OR1S2: variants seen among roughly 807,000 people sequenced by gnomAD.
The protein encoded by OR1S2 is olfactory receptor family 1 subfamily S member 2.
In OR1S2, 1 loss-of-function variant was observed where a neutral mutation model predicts 1.7. That is an observed-to-expected ratio of 0.59 (90% CI 0.21 to 2.81). The LOEUF (loss-of-function observed/expected upper bound fraction) is 2.81. OR1S2 is among the 30% of genes most tolerant of loss of function. The probability of loss-of-function intolerance (pLI) is 0.22; values close to 1 mark genes in which losing one functional copy is unlikely to be tolerated. For missense variants in OR1S2, 391 were observed against 371.6 expected, an observed-to-expected ratio of 1.05 and a Z score of -0.43; for synonymous variants, 157 against 145.3, an observed-to-expected ratio of 1.08 and a Z score of -0.58.
chr11:58,203,900 C>G (rs368896774), exon 1 of OR1S2: 2 of 1,613,954 alleles, frequency 1.2e-6, no homozygotes, highest in Non-Finnish European at 1.7e-6. Context: ...TATTCACCAG[C>G]ATTTTGGGGA....
exon 1 of OR1S2, chr11:58,203,227 T>C: frequency 1.2e-6 from 2 of 1,610,352 alleles, no homozygotes; most frequent in Non-Finnish European, 1.7e-6. Flanking sequence ...ATTTTTCTAT[T>C]GATGAGCTTT....
chr11:58,203,230 T>C, exon 1 of OR1S2: 7 of 1,610,642 alleles, frequency 4.3e-6, no homozygotes, highest in Non-Finnish European at 5.9e-6. Flanking sequence ...TTTCTATTGA[T>C]GAGCTTTCTC....
chr11:58,203,444 T>A, exon 1 of OR1S2: 1 of 1,613,992 alleles, frequency 6.2e-7, no homozygotes, highest in South Asian at 1.1e-5. Context: ...CTTTCCACTT[T>A]CCCTGTGTGG....
At chr11:58,203,498 G>C in exon 1 of OR1S2, 2 of 1,614,086 alleles carry the variant, frequency 1.2e-6, no homozygotes, top group East Asian at 4.5e-5. Context: ...CATAGGAGAA[G>C]AAGATGAGTA....
At chr11:58,203,253 A>G in exon 1 of OR1S2, 1 of 1,613,948 alleles carries the variant, frequency 6.2e-7, no homozygotes, top group Non-Finnish European at 8.5e-7. Flanking sequence ...GGCACCTTTC[A>G]TATCCTTATT....
exon 1 of OR1S2, chr11:58,203,371 C>A (rs758304516): frequency 1.9e-6 from 3 of 1,613,888 alleles, no homozygotes; most frequent in Admixed American, 1.7e-5. Context: ...AAAAAGTACA[C>A]GCCTACAGTG....
exon 1 of OR1S2, chr11:58,204,057 A>G (rs1377891544): frequency 6.2e-7 from 1 of 1,614,056 alleles, no homozygotes; most frequent in East Asian, 2.2e-5. Context: ...CAGGAAAAGC[A>G]CAAAGAGGAG....
At chr11:58,203,508 A>G (rs11229277) in exon 1 of OR1S2, 156,841 of 1,558,942 alleles carry the variant, frequency 0.1, 8,280 homozygotes, top group South Asian at 0.14. Context: ...GAAGATGAGT[A>G]CAAAGGGGAA....
chr11:58,203,781 T>C, exon 1 of OR1S2: 7 of 1,614,006 alleles, frequency 4.3e-6, no homozygotes, highest in South Asian at 1.1e-5. Flanking sequence ...CACAAAGTGG[T>C]CGAAGGCCAT....
exon 1 of OR1S2, chr11:58,203,479 T>A: frequency 6.2e-7 from 1 of 1,614,030 alleles, no homozygotes; most frequent in Non-Finnish European, 8.5e-7. Flanking sequence ...ACAGCTCTGA[T>A]GATGCAGACA....
Position 58,203,506 on chromosome 11 carries a change from G to A in OR1S2, c.637C>T (p.Leu213Phe), listed in dbSNP as rs755734906. Reference sequence around the variant, plus strand: ...ATGCAGACATAGGAGAAGAAGATGAGTACAAAGGGGAAGATGATAACTGAT... The same window carrying A: ...ATGCAGACATAGGAGAAGAAGATGAATACAAAGGGGAAGATGATAACTGAT... Residue 213 changes from leucine (L) to phenylalanine (F), a missense_variant, in exon 1 of 1, where the codon CTC (leucine) becomes TTC (phenylalanine). Physicochemically the swap from Leu to Phe is conservative, Grantham distance 22. Transcript: ENST00000641683. 31 of 1,614,056 alleles carry A rather than the reference G, an allele frequency of 1.9e-5. No homozygotes were observed. Among genetic ancestry groups the A allele is most frequent in the Non-Finnish European group, 2.5e-5 (29 of 1,179,988 alleles).
exon 1 of OR1S2, chr11:58,203,391 A>T (rs1458949752): frequency 2.5e-6 from 4 of 1,613,946 alleles, no homozygotes; most frequent in Non-Finnish European, 3.4e-6. Flanking sequence ...GGTTCCGTAG[A>T]ACAGTAATGC....
rs1230204773 is a variant in OR1S2 at position 58,203,845 on chromosome 11, G to A, written c.298C>T (p.Gln100Ter). 2 of 1,614,142 alleles carry A rather than the reference G, an allele frequency of 1.2e-6. No individual in the cohort carries two copies. The highest frequency in any genetic ancestry group is 1.7e-6 in the Non-Finnish European group (2 of 1,179,988). The change falls in exon 1 of 1, where the codon CAG becomes TAG. Residue 100 changes from glutamine to a stop codon, truncating the protein, a stop_gained. Transcript: ENST00000641683. LOFTEE classifies it low-confidence loss of function (END_TRUNC). ...ACAAACACAATAGAAAAGTACATCTGTGTGATGCAGCTCTCATAAGAGATG... is the reference window on the plus strand; with the variant it reads ...ACAAACACAATAGAAAAGTACATCTATGTGATGCAGCTCTCATAAGAGATG...
chr11:58,204,035 C>T lies in OR1S2; in HGVS notation c.108G>A (p.Val36=), dbSNP rs747625209. ...TGAGCCCGTTCCCAACCACAGTGAC[C>T]ACATACATACTCAGGAAAAGCACAA... The change falls in exon 1 of 1, where the codon GTG becomes GTA. Residue 36 remains valine (V), a synonymous_variant. Transcript: ENST00000641683. 1.4e-5 allele frequency: 23 copies of T among 1,613,960 alleles called. No homozygotes were observed. In the South Asian group the frequency reaches 2.5e-4, roughly 18 times the overall value.
rs376758094 is a variant in OR1S2, at chr11:58,203,690, G to A, written c.453C>T (p.Leu151=). The stretch of plus-strand genomic sequence containing the variant: ...TGTGTGTAAGAGCAATAATATTACT[G>A]AGGAACCACGAGATGACTGTGAGCA... Residue 151 remains leucine, a synonymous_variant, in exon 1 of 1, where the codon CTC becomes CTT. Coordinates refer to ENST00000641683, the Ensembl canonical transcript of OR1S2. 2.5e-6 allele frequency: 4 copies of A among 1,614,014 alleles called. No homozygotes were observed. The African/African-American group carries it at 4.0e-5, about 16-fold the overall frequency.
At chr11:58,203,840 C>T (rs560503739) in exon 1 of OR1S2, 8 of 1,614,080 alleles carry the variant, frequency 5.0e-6, no homozygotes, top group South Asian at 3.3e-5. Flanking sequence ...TAGAAAAGTA[C>T]ATCTGTGTGA....
chr11:58,203,833 A>G (rs370111173), exon 1 of OR1S2: 29 of 1,614,170 alleles, frequency 1.8e-5, no homozygotes, highest in Non-Finnish European at 2.3e-5. Flanking sequence ...AACACAATAG[A>G]AAAGTACATC....
exon 1 of OR1S2, chr11:58,203,768 C>G (rs145253819): frequency 6.2e-7 from 1 of 1,614,036 alleles, no homozygotes; most frequent in Non-Finnish European, 8.5e-7. Flanking sequence ...GGTGGCAGAT[C>G]GCCACAAAGT....
chr11:58,203,254 T>A (rs1854866838), exon 1 of OR1S2: 1 of 1,613,850 alleles, frequency 6.2e-7, no homozygotes, highest in Non-Finnish European at 8.5e-7. Flanking sequence ...GCACCTTTCA[T>A]ATCCTTATTC....
Sources: allele counts gnomAD v4.1 joint callset, GRCh38; gene constraint gnomAD v4.1.1; transcripts MANE v1.5; gene names NCBI Gene and HGNC (gene_info 2026-07-23, HGNC 2026-07-21).